Variants in SGCZ observed in about 807,000 individuals in gnomAD.
SGCZ encodes the protein sarcoglycan zeta.
SGCZ carries 40 observed loss-of-function variants against 41.3 expected under a neutral mutation model. That is an observed-to-expected ratio of 0.97 (90% CI 0.75 to 1.26). The LOEUF (loss-of-function observed/expected upper bound fraction) is 1.26. Among genes scored for constraint, SGCZ ranks in the 50% most tolerant of loss-of-function variants. The probability of loss-of-function intolerance (pLI) is 0.00; values close to 1 mark genes in which losing one functional copy is unlikely to be tolerated. For missense variants in SGCZ, 552 were observed against 369.8 expected (o/e 1.49, Z -4.04); for synonymous variants, 206 against 137.5 (o/e 1.50, Z -3.49).
rs192540107 is a variant in SGCZ, at chr8:14,522,170, C to T, written c.234+32562G>A. Among the ~76,000 whole-genome samples the T allele has an allele frequency of 3.8e-3, 572 of 152,068 alleles. 4 individuals carry two copies. The highest frequency in any genetic ancestry group is 6.4e-3 in the Non-Finnish European group (433 of 67,926). ...AATTTTGCTGAATTCTCTTTGCTAA[C>T]ATTTAGCTCTAAATTTTGTGGTCTA... On this transcript the variant is annotated intron_variant, in intron 2 of 7. Coordinates refer to ENST00000382080, the MANE Select transcript of SGCZ (RefSeq NM_139167.4).
intron 1 of SGCZ, among the ~76,000 whole-genome samples, chr8:15,209,673 G>C (rs139608898): frequency 2.6e-5 from 4 of 152,142 alleles, no homozygotes; most frequent in African/African-American, 9.6e-5. Context: ...ACACCACATA[G>C]ATATCAACAG....
chr8:14,631,023 A>C (rs1203871676), intron 1 of SGCZ, among the ~76,000 whole-genome samples: 2 of 152,038 alleles, frequency 1.3e-5, no homozygotes, highest in African/African-American at 4.8e-5. Context: ...AGTATAATAA[A>C]AAAATAAAAA....
intron 5 of SGCZ, among the ~76,000 whole-genome samples, chr8:14,162,344 T>A (rs1804072794): frequency 6.6e-6 from 1 of 152,154 alleles, no homozygotes; most frequent in African/African-American, 2.4e-5. Flanking sequence ...AGAATTTATC[T>A]CAGGATTATG....
At chr8:14,564,175 T>G (rs1804288466) in intron 1 of SGCZ, among the ~76,000 whole-genome samples, 1 of 152,164 alleles carries the variant, frequency 6.6e-6, no homozygotes, top group Non-Finnish European at 1.5e-5. Flanking sequence ...GCATTTGGCG[T>G]GCTGAAATAG....
intron 1 of SGCZ, among the ~76,000 whole-genome samples, chr8:14,633,995 G>A (rs1877018): frequency 0.37 from 55,825 of 151,584 alleles, 10,489 homozygotes; most frequent in East Asian, 0.62. Flanking sequence ...AAGACTACCA[G>A]TATAAATGAT....
At chr8:14,837,887 A>C (rs966231116) in intron 1 of SGCZ, among the ~76,000 whole-genome samples, 5 of 152,170 alleles carry the variant, frequency 3.3e-5, no homozygotes, top group South Asian at 2.1e-4. Context: ...TGGGATATCC[A>C]TCACCTCAAG....
chr8:15,015,678 A>G (rs1333749169), intron 1 of SGCZ, among the ~76,000 whole-genome samples: 1 of 96,414 alleles, frequency 1.0e-5, no homozygotes, highest in African/African-American at 4.0e-5. Context: ...ACAGAGAGAG[A>G]CTCCATCTCA....
intron 2 of SGCZ, among the ~76,000 whole-genome samples, chr8:14,507,643 T>C (rs552377608): frequency 1.3e-5 from 2 of 152,216 alleles, no homozygotes; most frequent in Non-Finnish European, 2.9e-5. Flanking sequence ...TGCTCCAGTC[T>C]CAGATTCTTT....
At position 15,044,637 on chromosome 8, in the gene SGCZ, C is replaced by T. The variant is rs1047488705; in HGVS notation, c.39+192948G>A. Among the ~76,000 whole-genome samples, 6 of 151,978 alleles carry T rather than the reference C, an allele frequency of 3.9e-5. No individual in the cohort carries two copies. The East Asian group carries it at 1.2e-3, about 29-fold the overall frequency. On this transcript the variant is annotated intron_variant, in intron 1 of 7. Transcript: ENST00000382080. ...AATTGTGTTCAATGAGGAAAATGTTCACTGAGGATAGGTTATACGAAAATG... is the reference window on the plus strand; with the variant it reads ...AATTGTGTTCAATGAGGAAAATGTTTACTGAGGATAGGTTATACGAAAATG...
intron 1 of SGCZ, among the ~76,000 whole-genome samples, chr8:14,665,328 C>A (rs1807875413): frequency 6.6e-6 from 1 of 152,166 alleles, no homozygotes; most frequent in African/African-American, 2.4e-5. Context: ...CATGTCCCTA[C>A]AAAGGACATG....
At chr8:14,822,133 A>G (rs1308613254) in intron 1 of SGCZ, among the ~76,000 whole-genome samples, 1 of 151,776 alleles carries the variant, frequency 6.6e-6, no homozygotes, top group African/African-American at 2.4e-5. Flanking sequence ...AAATAAATTC[A>G]GTTAAGTTTC....
At chr8:14,171,399 A>G (rs1294526787) in intron 4 of SGCZ, among the ~76,000 whole-genome samples, 1 of 151,980 alleles carries the variant, frequency 6.6e-6, no homozygotes, top group Non-Finnish European at 1.5e-5. Context: ...ATTTTTATGC[A>G]TCTTTCCTCT....
intron 1 of SGCZ, among the ~76,000 whole-genome samples, chr8:14,708,812 A>ACTGT (rs10696541): frequency 6.7e-6 from 1 of 148,584 alleles, no homozygotes; most frequent in Non-Finnish European, 1.5e-5. Flanking sequence ...GTTTTATTCG[A>ACTGT]GTGTGTGTGT....
chr8:14,704,128 T>G (rs931829277), intron 1 of SGCZ, among the ~76,000 whole-genome samples: 1 of 152,016 alleles, frequency 6.6e-6, no homozygotes, highest in African/African-American at 2.4e-5. Context: ...CAGCACATAT[T>G]CTGACATCTT....
At chr8:14,146,278 G>A (rs1803517587) in intron 5 of SGCZ, among the ~76,000 whole-genome samples, 1 of 152,136 alleles carries the variant, frequency 6.6e-6, no homozygotes, top group Admixed American at 6.5e-5. Context: ...GGAGAGAGTG[G>A]TATGACATAT....
At chr8:14,656,516 CTT>C (rs1194797937) in intron 1 of SGCZ, among the ~76,000 whole-genome samples, 1 of 146,072 alleles carries the variant, frequency 6.8e-6, no homozygotes, top group Admixed American at 7.0e-5. Flanking sequence ...TCCTTCCTTC[CTT>C]TTCTTTTCTT....
chr8:14,309,353 C>T (rs571980620), intron 3 of SGCZ: 4 of 1,603,972 alleles, frequency 2.5e-6, no homozygotes, highest in Non-Finnish European at 3.4e-6. Flanking sequence ...ATGGGGAGGA[C>T]GATGGCTAAT....
chr8:14,414,650 G>A (rs1465656129), intron 2 of SGCZ, among the ~76,000 whole-genome samples: 1 of 151,926 alleles, frequency 6.6e-6, no homozygotes, highest in Non-Finnish European at 1.5e-5. Context: ...ATAGCCACAA[G>A]CACAAAATGT....
At chr8:14,181,523 G>T (rs749019846) in intron 4 of SGCZ, among the ~76,000 whole-genome samples, 10 of 152,198 alleles carry the variant, frequency 6.6e-5, no homozygotes, top group Non-Finnish European at 4.4e-5. Flanking sequence ...ATATGGTTTG[G>T]CTGTGTCCCC....
Sources: gnomAD v4.1 joint callset for allele counts (sites outside exome capture counted in the v4.1 genomes callset) on GRCh38, gnomAD v4.1.1 for gene constraint, MANE v1.5 for transcripts, NCBI Gene and HGNC (gene_info 2026-07-23, HGNC 2026-07-21) for gene names.